The following ACOX3 variants were observed in gnomAD, a reference collection of about 807,000 sequenced individuals.
The protein encoded by ACOX3 is peroxisomal acyl-coenzyme A oxidase 3.
A neutral mutation model predicts 81.5 loss-of-function variants in ACOX3; 73 were observed. The ratio of observed to expected loss-of-function variants is 0.90; its 90% CI spans 0.74 to 1.09. The LOEUF is 1.09. ACOX3 is among the 50% of genes least tolerant of loss of function. ACOX3 has a pLI of 0.00. For synonymous variants in ACOX3, 387 were observed against 375.1 expected, an observed-to-expected ratio of 1.03 and a Z score of -0.37; for missense variants, 947 against 928.0, an observed-to-expected ratio of 1.02 and a Z score of -0.27.
chr4:8,419,178 G>A lies in ACOX3; in HGVS notation c.-14-2643C>T, dbSNP rs1350615899. Among the ~76,000 whole-genome samples the A allele has an allele frequency of 6.6e-6, 1 of 152,146 alleles. No homozygotes were observed. The highest frequency in any genetic ancestry group is 1.5e-5 in the Non-Finnish European group (1 of 68,032). ...AGGCCAGGCGCAGTGGCTCATGCCT[G>A]TAATCCCAGCACTTTGGGAGGCCCA... On this transcript the variant is annotated intron_variant, in intron 1 of 17. Transcript: ENST00000356406. The surrounding 1 kb of genome is among the most constrained non-coding windows in gnomAD (Gnocchi z 4.2).
At chr4:8,435,334 C>G (rs1474110033) in intron 1 of ACOX3, among the ~76,000 whole-genome samples, 1 of 152,066 alleles carries the variant, frequency 6.6e-6, no homozygotes, top group Non-Finnish European at 1.5e-5. Context: ...ACTAAAAATA[C>G]AAAAACAAAA....
rs571780269 is a variant in ACOX3, at chr4:8,416,610, C to T, written c.-14-75G>A. On this transcript the variant is annotated intron_variant, in intron 1 of 17. Coordinates refer to ENST00000356406, the MANE Select transcript of ACOX3 (RefSeq NM_003501.3). This position sits in a 1 kb window ranked among gnomAD's most constrained non-coding sequence, Gnocchi z 4.2. ...AACTACCCCCACCAACAGGAGAGCC[C>T]GCAACACCTTACAAATCAGAGAAAA... is the stretch of plus-strand genomic sequence containing the variant. 12 of 1,424,418 alleles carry T rather than the reference C, an allele frequency of 8.4e-6. No individual in the cohort carries two copies. Among genetic ancestry groups the T allele is most frequent in the East Asian group, 5.0e-5 (2 of 40,332 alleles). 88.2% of individuals were successfully genotyped at this position (1,424,418 alleles called of 1,614,324 possible).
In ACOX3 at chr4:8,431,297, G is replaced by C. The variant is rs182100206; in HGVS notation, c.-15+9351C>G. On this transcript the variant is annotated intron_variant, in intron 1 of 17. Coordinates refer to ENST00000356406, the MANE Select transcript of ACOX3 (RefSeq NM_003501.3). The surrounding 1 kb of genome is among the most constrained non-coding windows in gnomAD (Gnocchi z 5.3). ...TTCACTCTCTCCATTTAGTTTCCCA[G>C]ATTGGCATCTGCAGGTCAGACTGTA... Among the ~76,000 whole-genome samples the C allele has an allele frequency of 1.4e-4, 21 of 152,360 alleles. No individual in the cohort carries two copies. The highest frequency in any genetic ancestry group is 1.3e-3 in the Admixed American group (20 of 15,308).
chr4:8,422,483 G>A (rs992692703), intron 1 of ACOX3, among the ~76,000 whole-genome samples: 8 of 152,156 alleles, frequency 5.3e-5, no homozygotes, highest in East Asian at 1.9e-4. Flanking sequence ...TGGCAACCTC[G>A]GTTTTTTTCA....
chr4:8,398,962 C>T (rs1053774735), intron 8 of ACOX3, among the ~76,000 whole-genome samples: 3 of 152,198 alleles, frequency 2.0e-5, no homozygotes, highest in Non-Finnish European at 4.4e-5. Context: ...CCACTCTGCG[C>T]ACCCTGTGTG....
At chr4:8,392,173 A>G (rs983750608) in intron 11 of ACOX3, among the ~76,000 whole-genome samples, 160 bp downstream of exon 11, 2 of 152,236 alleles carry the variant, frequency 1.3e-5, no homozygotes, top group African/African-American at 4.8e-5. Context: ...GAAATGTGCA[A>G]ATGAACGGGG....
In ACOX3 at chr4:8,381,249, G is replaced by A. The variant is rs971715532; in HGVS notation, c.1653+243C>T. ...GCTTCACCGCTCTGGTTTACGGGCT[G>A]GGAACCGTCAGGCACGGTAAATGTA... On this transcript the variant is annotated intron_variant, in intron 14 of 17. Transcript: ENST00000356406. The surrounding 1 kb of genome is among the most constrained non-coding windows in gnomAD (Gnocchi z 4.3). Among the ~76,000 whole-genome samples, 3 of 152,190 alleles carry A rather than the reference G, an allele frequency of 2.0e-5. No individual in the cohort carries two copies. Among genetic ancestry groups the A allele is most frequent in the Non-Finnish European group, 4.4e-5 (3 of 68,032 alleles).
chr4:8,391,766 C>A (rs1719021262), intron 11 of ACOX3, among the ~76,000 whole-genome samples: 1 of 152,190 alleles, frequency 6.6e-6, no homozygotes, highest in East Asian at 1.9e-4. Flanking sequence ...CCCACAGTTA[C>A]CAGGCTGTTA....
intron 5 of ACOX3, among the ~76,000 whole-genome samples, chr4:8,413,923 T>C (rs1029282847): frequency 1.3e-5 from 2 of 152,204 alleles, no homozygotes; most frequent in Non-Finnish European, 2.9e-5. Context: ...GTTGTCTCCA[T>C]GGGGCCCACC....
At chr4:8,391,068 T>C (rs941803520) in intron 11 of ACOX3, among the ~76,000 whole-genome samples, 2 of 141,652 alleles carry the variant, frequency 1.4e-5, no homozygotes, top group Non-Finnish European at 3.1e-5. Flanking sequence ...TATATGTATA[T>C]GTATATGATT....
In ACOX3 at chr4:8,389,859, C is replaced by A; in HGVS notation, c.1301-125G>T. 2 of 1,299,498 alleles carry A rather than the reference C, an allele frequency of 1.5e-6. No homozygotes were observed. The highest frequency in any genetic ancestry group is 1.5e-5 in the African/African-American group (1 of 67,970). The allele number at this position is 1,299,498 out of a possible 1,614,324, so 80.5% of individuals were successfully genotyped here. A position where few individuals can be genotyped will look rare whatever the true frequency, so the allele number is the denominator to read the frequency against. On this transcript the variant is annotated intron_variant, in intron 11 of 17. Transcript: ENST00000356406. The surrounding 1 kb of genome is among the most constrained non-coding windows in gnomAD (Gnocchi z 5.3). ...GTGGCTCACACCTGTAATGGCAGCACTTTGGGGGGCCGAGGCGGGTGGATC... is the reference window on the plus strand; with the variant it reads ...GTGGCTCACACCTGTAATGGCAGCAATTTGGGGGGCCGAGGCGGGTGGATC...
Position 8,366,815 on chromosome 4 carries a change from T to A in ACOX3, c.*146A>T, listed in dbSNP as rs1715503608. The A allele has an allele frequency of 8.4e-7, 1 of 1,193,458 alleles. No individual in the cohort carries two copies. The highest frequency in any genetic ancestry group is 1.5e-5 in the African/African-American group (1 of 65,788). 73.9% of individuals were successfully genotyped at this position (1,193,458 alleles called of 1,614,324 possible). ...GCCTCCCTCCCGTCCGCCTGGGCAGTTGAGGCCAATCAGCAGTTTAGGCGC... is the reference window on the plus strand; with the variant it reads ...GCCTCCCTCCCGTCCGCCTGGGCAGATGAGGCCAATCAGCAGTTTAGGCGC... On this transcript the variant is annotated 3_prime_UTR_variant, in exon 18 of 18. Coordinates refer to ENST00000356406, the MANE Select transcript of ACOX3 (RefSeq NM_003501.3).
At chr4:8,390,749 G>A (rs1718893666) in intron 11 of ACOX3, among the ~76,000 whole-genome samples, 1 of 152,182 alleles carries the variant, frequency 6.6e-6, no homozygotes, top group South Asian at 2.1e-4. Context: ...CTCACGTACT[G>A]TGACTGATGG....
rs532275621 is a variant in ACOX3, at chr4:8,385,571, T to A, written c.1537+3602A>T. Among the ~76,000 whole-genome samples the A allele has an allele frequency of 6.6e-6, 1 of 152,378 alleles. No homozygotes were observed. Among genetic ancestry groups the A allele is most frequent in the East Asian group, 1.9e-4 (1 of 5,188 alleles). ...AGCACAGGCCCCCAAGGCACAGGGC[T>A]GTGACACTCAGCTCAGTGCAAAAAT... is the stretch of plus-strand genomic sequence containing the variant. On this transcript the variant is annotated intron_variant, in intron 13 of 17. Transcript: ENST00000356406. This position sits in a 1 kb window ranked among gnomAD's most constrained non-coding sequence, Gnocchi z 5.5.
rs747851224 is a variant in ACOX3 at position 8,389,229 on chromosome 4, C to T, written c.1481G>A (p.Gly494Asp). 1 of 1,613,832 alleles carries T rather than the reference C, an allele frequency of 6.2e-7. No homozygotes were observed. Among genetic ancestry groups the T allele is most frequent in the South Asian group, 1.1e-5 (1 of 90,994 alleles). Reference sequence around the variant, plus strand: ...GACCTCAAACTTCTGGTCAAGGATGCCGGGATAGGCGTCCAGAAAGTCCAC... The same window carrying T: ...GACCTCAAACTTCTGGTCAAGGATGTCGGGATAGGCGTCCAGAAAGTCCAC... The part of the protein sequence containing the change: ...KSVDFLDAYP[G>D]ILDQKFEVSS... Residue 494 changes from glycine (G) to aspartate (D), a missense_variant, in exon 13 of 18, where the codon GGC (glycine) becomes GAC (aspartate). By Grantham distance (94) the Gly-to-Asp change is moderately conservative (BLOSUM62 -1). Transcript: ENST00000356406. The surrounding 1 kb of genome is among the most constrained non-coding windows in gnomAD (Gnocchi z 5.3).
At chr4:8,360,925 G>C in the ACOX3 span, among the ~76,000 whole-genome samples, 1 of 152,024 alleles carries the variant, frequency 6.6e-6, no homozygotes, top group African/African-American at 2.4e-5. Flanking sequence ...TTCCACACCT[G>C]GTACACAATT....
At position 8,382,314 on chromosome 4, in the gene ACOX3, C is replaced by A. The variant is rs1269073358; in HGVS notation, c.1538-707G>T. ...GTGCCCACATCTGCGGGGCCCCCCA[C>A]AGCACAGCCAGAGCTGGCCTCCCAC... On this transcript the variant is annotated intron_variant, in intron 13 of 17. Transcript: ENST00000356406. This position sits in a 1 kb window ranked among gnomAD's most constrained non-coding sequence, Gnocchi z 4.1. 1.3e-5 allele frequency among the ~76,000 whole-genome samples: 2 copies of A among 152,232 alleles called. No homozygotes were observed. The highest frequency in any genetic ancestry group is 2.9e-5 in the Non-Finnish European group (2 of 68,028).
intron 11 of ACOX3, among the ~76,000 whole-genome samples, chr4:8,390,104 ACAACAACAAC>A (rs1560178731): frequency 6.8e-6 from 1 of 147,510 alleles, no homozygotes; most frequent in Non-Finnish European, 1.5e-5. Flanking sequence ...CCCTGTCTCA[ACAACAACAAC>A]AACAAAAAAA....
In ACOX3 at chr4:8,394,329, C is replaced by T. The variant is rs549971581; in HGVS notation, c.1179+291G>A. On this transcript the variant is annotated intron_variant, in intron 10 of 17. Transcript: ENST00000356406. The surrounding 1 kb of genome is among the most constrained non-coding windows in gnomAD (Gnocchi z 5.9). ...ATGAAATCCACTGAGGGGCGGGTAA[C>T]GTGGATTTTGCAAAACCGTCATGTT... Among the ~76,000 whole-genome samples, 8 of 152,242 alleles carry T rather than the reference C, an allele frequency of 5.3e-5. No homozygotes were observed. Among genetic ancestry groups the T allele is most frequent in the South Asian group, 4.1e-4 (2 of 4,822 alleles).
Sources: allele counts gnomAD v4.1 joint callset (sites outside exome capture counted in the v4.1 genomes callset), GRCh38; gene constraint gnomAD v4.1.1; non-coding constraint Gnocchi (gnomAD v3.1); transcripts MANE v1.5; gene names NCBI Gene and HGNC (gene_info 2026-07-23, HGNC 2026-07-21).